AIMP1: variants seen among roughly 807,000 people sequenced by gnomAD.
AIMP1 encodes aminoacyl tRNA synthase complex-interacting multifunctional protein 1.
AIMP1 carries 24 observed loss-of-function variants against 33.1 expected under a neutral mutation model. The ratio of observed to expected loss-of-function variants is 0.73; its 90% CI spans 0.53 to 1.02. The LOEUF (loss-of-function observed/expected upper bound fraction) is 1.02, where lower values mean the gene tolerates loss of function less well. Ranked by LOEUF, AIMP1 falls within the 50% of genes least tolerant of loss-of-function variation. The pLI, the probability that AIMP1 is intolerant of heterozygous loss-of-function variation, is 0.00. For missense variants in AIMP1, 367 were observed against 364.8 expected (o/e 1.01, Z -0.05); for synonymous variants, 120 against 121.5 (o/e 0.99, Z 0.08).
At chr4:106,319,986 G>C (rs748561518) in intron 1 of AIMP1, among the ~76,000 whole-genome samples, 7 of 152,126 alleles carry the variant, frequency 4.6e-5, no homozygotes, top group Non-Finnish European at 1.0e-4. Context: ...TTTAATTCAA[G>C]TTTTCTTCTC....
In AIMP1 at chr4:106,336,775, G is replaced by T. The variant is rs546300770; in HGVS notation, c.604-94G>T. On this transcript the variant is annotated intron_variant, in intron 5 of 6. Coordinates refer to ENST00000672341, the MANE Select transcript of AIMP1 (RefSeq NM_001142416.2). ...GTACATCCACAAAAGTAGAACATTT[G>T]ATACTTAGCATATTAGGTGTAGCTT... The T allele has an allele frequency of 1.1e-5, 13 of 1,184,254 alleles. No homozygotes were observed. The East Asian group carries it at 2.6e-4, about 23-fold the overall frequency. 73.4% of individuals were successfully genotyped at this position (1,184,254 alleles called of 1,614,324 possible).
chr4:106,316,547 C>G, upstream of AIMP1: 1 of 1,551,658 alleles, frequency 6.4e-7, no homozygotes, highest in Non-Finnish European at 8.7e-7. Context: ...GCTGGACCTA[C>G]ATGCTTCCTG....
At chr4:106,328,307 T>TA in intron 4 of AIMP1, 64 bp downstream of exon 4, 1 of 1,501,414 alleles carries the variant, frequency 6.7e-7, no homozygotes, top group Non-Finnish European at 9.0e-7. Context: ...CAAGTTTTGA[T>TA]AATGATAATA....
intron 1 of AIMP1, 98 bp downstream of exon 1, chr4:106,316,692 C>T: frequency 8.2e-7 from 1 of 1,225,442 alleles, no homozygotes; most frequent in Admixed American, 2.1e-5. Context: ...AGGACCTGGC[C>T]TGCGCTGCTA....
At chr4:106,322,082 A>G (rs1452046168) in intron 1 of AIMP1, among the ~76,000 whole-genome samples, 1 of 152,152 alleles carries the variant, frequency 6.6e-6, no homozygotes, top group African/African-American at 2.4e-5. Context: ...AGATGCTTGA[A>G]GGCAGCATGC....
intron 6 of AIMP1, among the ~76,000 whole-genome samples, chr4:106,340,010 AG>A (rs1485789576): frequency 6.6e-6 from 1 of 152,218 alleles, no homozygotes; most frequent in African/African-American, 2.4e-5. Context: ...TTGAAGCAGA[AG>A]AGAAAAGATT....
intron 1 of AIMP1, 91 bp from the exon 2 acceptor site, chr4:106,324,894 G>A: frequency 9.4e-7 from 1 of 1,064,906 alleles, no homozygotes; most frequent in Non-Finnish European, 1.3e-6. Context: ...AGTAGAAAAT[G>A]TTTTTCCTTT....
chr4:106,334,276 C>CTTTTTT (rs34085907), intron 5 of AIMP1, among the ~76,000 whole-genome samples: 1 of 139,304 alleles, frequency 7.2e-6, no homozygotes, highest in Non-Finnish European at 1.6e-5. Context: ...TTTCTTTTTT[C>CTTTTTT]TTTTTTTTTT....
intron 1 of AIMP1, among the ~76,000 whole-genome samples, chr4:106,318,798 T>A (rs1458362167): frequency 6.6e-6 from 1 of 152,096 alleles, no homozygotes; most frequent in African/African-American, 2.4e-5. Context: ...ATGATTAGCA[T>A]TAGAATGAAA....
chr4:106,332,614 CAT>C (rs34698470), intron 5 of AIMP1, among the ~76,000 whole-genome samples: 25,669 of 144,528 alleles, frequency 0.18, 2,271 homozygotes, highest in South Asian at 0.25. Context: ...TACAGAGATA[CAT>C]ATATATATAT....
Position 106,347,785 on chromosome 4 carries a change from T to TTTTTGCA in AIMP1, c.*96_*102dup. The TTTTTGCA allele has an allele frequency of 1.5e-6, 2 of 1,370,820 alleles. No homozygotes were observed. The highest frequency in any genetic ancestry group is 1.0e-6 in the Non-Finnish European group (1 of 991,340). The allele number at this position is 1,370,820 out of a possible 1,614,324, so 84.9% of individuals were successfully genotyped here. ...TTATACCTAAAATATGAGTGGCTCA[T>TTTTTGCA]TTTTGCATTACTCTCTTCTAGACTT... On this transcript the variant is annotated 3_prime_UTR_variant, in exon 7 of 7. Coordinates refer to ENST00000672341, the MANE Select transcript of AIMP1 (RefSeq NM_001142416.2).
Position 106,337,040 on chromosome 4 carries a change from A to G in AIMP1, c.772+3A>G, listed in dbSNP as rs1467706996. The G allele has an allele frequency of 3.7e-6, 6 of 1,612,978 alleles. No individual in the cohort carries two copies. Among genetic ancestry groups the G allele is most frequent in the Non-Finnish European group, 5.1e-6 (6 of 1,179,040 alleles). ...AATTACTTTTGATGCTTTCCCAGGT[A>G]GGTATTTATTAGTAATTACTTAATA... On this transcript the variant is annotated splice_donor_region_variant and intron_variant, in intron 6 of 6. Transcript: ENST00000672341.
chr4:106,316,654 T>C (rs1768921609), intron 1 of AIMP1, 60 bp downstream of exon 1: 1 of 1,520,250 alleles, frequency 6.6e-7, no homozygotes, highest in South Asian at 1.2e-5. Context: ...CGTAGGGGTC[T>C]TCCTTCTCTA....
intron 2 of AIMP1, among the ~76,000 whole-genome samples, chr4:106,325,469 C>G (rs1561024030): frequency 6.6e-6 from 1 of 151,700 alleles, no homozygotes; most frequent in East Asian, 1.9e-4. Context: ...TAACATACCA[C>G]TTTGTTTCTT....
In AIMP1 at chr4:106,347,700, C is replaced by T; in HGVS notation, c.*8C>T. ...AACAGTGGAATCAAATAAAATGCTT[C>T]CACTACCAAAAGACATTAGAGAAAA... On this transcript the variant is annotated 3_prime_UTR_variant, in exon 7 of 7. Transcript: ENST00000672341. The T allele has an allele frequency of 6.2e-7, 1 of 1,611,678 alleles. No homozygotes were observed. The highest frequency in any genetic ancestry group is 2.2e-5 in the East Asian group (1 of 44,702).
chr4:106,326,712 T>C (rs1387942942), intron 2 of AIMP1, among the ~76,000 whole-genome samples: 1 of 152,040 alleles, frequency 6.6e-6, no homozygotes, highest in African/African-American at 2.4e-5. Flanking sequence ...TTTAAAAATA[T>C]ATATATAATT....
chr4:106,326,915 C>G (rs1769474084), intron 2 of AIMP1, among the ~76,000 whole-genome samples: 1 of 152,050 alleles, frequency 6.6e-6, no homozygotes, highest in South Asian at 2.1e-4. Flanking sequence ...GTAGCTGGGA[C>G]CACATGAATG....
chr4:106,343,363 C>T (rs1770172607), intron 6 of AIMP1, among the ~76,000 whole-genome samples: 2 of 152,044 alleles, frequency 1.3e-5, no homozygotes. Flanking sequence ...TCTCCGTTAA[C>T]TGTGTTTAAT....
chr4:106,318,004 C>T (rs573859388), intron 1 of AIMP1, among the ~76,000 whole-genome samples: 5 of 152,066 alleles, frequency 3.3e-5, no homozygotes, highest in South Asian at 2.1e-4. Flanking sequence ...GTGTTAATGA[C>T]GATGGTATTT....
Sources: allele counts gnomAD v4.1 joint callset (sites outside exome capture counted in the v4.1 genomes callset), GRCh38; gene constraint gnomAD v4.1.1; transcripts MANE v1.5; gene names NCBI Gene and HGNC (gene_info 2026-07-23, HGNC 2026-07-21).